CEP112: variants seen among roughly 807,000 people sequenced by gnomAD.
The protein encoded by CEP112 is centrosomal protein 112.
CEP112 carries 127 observed loss-of-function variants against 153.0 expected under a neutral mutation model. The observed-to-expected ratio is 0.83, with a 90% CI of 0.72 to 0.96. CEP112 has a LOEUF of 0.96. Ranked by LOEUF, CEP112 falls within the 40% of genes least tolerant of loss-of-function variation. CEP112 has a pLI of 0.00. For synonymous variants in CEP112, 358 were observed against 374.4 expected (o/e 0.96, Z 0.51); for missense variants, 1,089 against 1,101.2 (o/e 0.99, Z 0.16).
intron 20 of CEP112, among the ~76,000 whole-genome samples, chr17:65,854,203 G>T (rs1358370951): frequency 1.3e-5 from 2 of 152,118 alleles, no homozygotes; most frequent in African/African-American, 2.4e-5. Flanking sequence ...AAAGTGACAG[G>T]AATCCAAATG....
chr17:65,638,850 A>G (rs1464348244), intron 25 of CEP112, among the ~76,000 whole-genome samples: 1 of 152,106 alleles, frequency 6.6e-6, no homozygotes, highest in Non-Finnish European at 1.5e-5. Context: ...TATTACAGTG[A>G]AATGATATGA....
At chr17:66,140,160 G>C (rs766953524) in intron 4 of CEP112, among the ~76,000 whole-genome samples, 2 of 152,088 alleles carry the variant, frequency 1.3e-5, no homozygotes, top group Non-Finnish European at 2.9e-5. Flanking sequence ...CACATTAACA[G>C]AATGAAGAAT....
At chr17:66,072,529 T>C (rs1221207958) in intron 8 of CEP112, among the ~76,000 whole-genome samples, 1 of 152,194 alleles carries the variant, frequency 6.6e-6, no homozygotes, top group East Asian at 1.9e-4. Flanking sequence ...CCATTAGGAT[T>C]TGTCTGATGT....
chr17:65,744,505 A>AC (rs1404641771), intron 22 of CEP112, among the ~76,000 whole-genome samples: 3 of 152,134 alleles, frequency 2.0e-5, no homozygotes, highest in African/African-American at 4.8e-5. Context: ...TTGGCCTCCC[A>AC]AAGTGCTGGG....
At chr17:66,106,781 C>T (rs955027662) in intron 6 of CEP112, among the ~76,000 whole-genome samples, 1 of 151,996 alleles carries the variant, frequency 6.6e-6, no homozygotes, top group Admixed American at 6.6e-5. Context: ...GGAATATTTC[C>T]TAACTCATTC....
At chr17:65,649,103 C>CAT (rs2045607721) in intron 24 of CEP112, among the ~76,000 whole-genome samples, 1 of 148,338 alleles carries the variant, frequency 6.7e-6, no homozygotes, top group Non-Finnish European at 1.5e-5. Flanking sequence ...CACACACACA[C>CAT]ACACACACAC....
At chr17:65,907,551 C>T (rs914837863) in intron 19 of CEP112, among the ~76,000 whole-genome samples, 1 of 152,120 alleles carries the variant, frequency 6.6e-6, no homozygotes, top group African/African-American at 2.4e-5. Context: ...CTAAGTCCAA[C>T]ACTACATGGC....
rs1271926415 is a variant in CEP112, at chr17:65,937,539, G to C, written c.1873-9850C>G. ...TGAGAAGTGAGGAGCCCCTCTGCCC[G>C]GCCAGCCGCCCCGTCCGGGAGGGAG... On this transcript the variant is annotated intron_variant, in intron 18 of 26. Coordinates refer to ENST00000535342, the MANE Select transcript of CEP112 (RefSeq NM_001199165.4). 7.8e-5 allele frequency among the ~76,000 whole-genome samples: 9 copies of C among 115,868 alleles called. No homozygotes were observed. In the East Asian group the frequency reaches 1.0e-3, roughly 13 times the overall value. 76.0% of individuals were successfully genotyped at this position (115,868 alleles called of 152,430 possible). A position where few individuals can be genotyped will look rare whatever the true frequency, so the allele number is the denominator to read the frequency against.
intron 12 of CEP112, among the ~76,000 whole-genome samples, chr17:66,047,807 AC>A (rs2066275988): frequency 6.6e-6 from 1 of 152,166 alleles, no homozygotes; most frequent in Admixed American, 6.5e-5. Context: ...TGTCCTAAAG[AC>A]CCCAGAGTAC....
intron 17 of CEP112, among the ~76,000 whole-genome samples, chr17:65,970,647 CATGT>C (rs1332524873): frequency 6.6e-6 from 1 of 151,862 alleles, no homozygotes; most frequent in Non-Finnish European, 1.5e-5. Context: ...TGCATGCACG[CATGT>C]ATATTACATA....
chr17:65,923,876 C>T (rs1030581735), intron 19 of CEP112, among the ~76,000 whole-genome samples: 4 of 152,142 alleles, frequency 2.6e-5, no homozygotes, highest in Non-Finnish European at 5.9e-5. Flanking sequence ...GCTTTATTCC[C>T]CTCACCAATA....
At chr17:66,178,319 G>A (rs888393784) in intron 2 of CEP112, among the ~76,000 whole-genome samples, 1 of 152,174 alleles carries the variant, frequency 6.6e-6, no homozygotes, top group African/African-American at 2.4e-5. Flanking sequence ...GATCAGTGAT[G>A]TTGAACATCT....
intron 23 of CEP112, among the ~76,000 whole-genome samples, chr17:65,710,531 T>C (rs1298477623): frequency 6.6e-6 from 1 of 152,212 alleles, no homozygotes; most frequent in African/African-American, 2.4e-5. Context: ...AAATATTTCA[T>C]TTCCTGGCCT....
chr17:66,080,390 C>T (rs764574164), intron 8 of CEP112, among the ~76,000 whole-genome samples: 69 of 152,288 alleles, frequency 4.5e-4, no homozygotes, highest in Non-Finnish European at 7.8e-4. Flanking sequence ...GACGTTTATA[C>T]GGCCAACAAA....
intron 22 of CEP112, among the ~76,000 whole-genome samples, chr17:65,748,100 T>A (rs1598458736): frequency 6.6e-6 from 1 of 152,236 alleles, no homozygotes; most frequent in African/African-American, 2.4e-5. Context: ...TGCTCATTTT[T>A]AAATAATCTG....
At position 65,958,538 on chromosome 17, in the gene CEP112, T is replaced by C. The variant is rs182346568; in HGVS notation, c.1872+2925A>G. Among the ~76,000 whole-genome samples, 10 of 54,330 alleles carry C rather than the reference T, an allele frequency of 1.8e-4. No individual in the cohort carries two copies. In the East Asian group the frequency reaches 0.021, roughly 116 times the overall value. The allele number at this position is 54,330 out of a possible 152,430, so 35.6% of individuals were successfully genotyped here. A position where few individuals can be genotyped will look rare whatever the true frequency, so the allele number is the denominator to read the frequency against. ...TCCTTGCTGTCCGTGCCCACTCCAA[T>C]GTTGGAGCAAAGTTAGGGCTGAGCC... On this transcript the variant is annotated intron_variant, in intron 18 of 26. Coordinates refer to ENST00000535342, the MANE Select transcript of CEP112 (RefSeq NM_001199165.4).
chr17:65,778,626 T>C (rs1178100899), intron 21 of CEP112, among the ~76,000 whole-genome samples: 6 of 152,068 alleles, frequency 3.9e-5, no homozygotes. Context: ...ATGGGCTGAA[T>C]TGGTGAGATT....
intron 21 of CEP112, among the ~76,000 whole-genome samples, chr17:65,830,315 A>T (rs1267319467): frequency 6.6e-6 from 1 of 152,244 alleles, no homozygotes; most frequent in Non-Finnish European, 1.5e-5. Context: ...TAAGAGAAAT[A>T]TTCATGTTGG....
chr17:65,644,421 T>C, intron 24 of CEP112: 1 of 502,672 alleles, frequency 2.0e-6, no homozygotes, highest in South Asian at 1.8e-5. Flanking sequence ...ACCTCAAGGC[T>C]TAGCTCGGTT....
Sources: gnomAD v4.1 joint callset for allele counts (sites outside exome capture counted in the v4.1 genomes callset) on GRCh38, gnomAD v4.1.1 for gene constraint, MANE v1.5 for transcripts, NCBI Gene and HGNC (gene_info 2026-07-23, HGNC 2026-07-21) for gene names.